Variants in PECAM1 observed in about 807,000 individuals in gnomAD.
PECAM1 encodes platelet and endothelial cell adhesion molecule 1, also known as platelet endothelial cell adhesion molecule.
A neutral mutation model predicts 13.8 loss-of-function variants in PECAM1; 8 were observed. The ratio of observed to expected loss-of-function variants is 0.58; its 90% CI spans 0.34 to 1.05. The LOEUF is 1.05. Among genes scored for constraint, PECAM1 ranks in the 50% least tolerant of loss-of-function variants. The probability of loss-of-function intolerance (pLI) is 0.03; values close to 1 mark genes in which losing one functional copy is unlikely to be tolerated. For synonymous variants in PECAM1, 136 were observed against 52.6 expected (o/e 2.58, Z -6.86); for missense variants, 304 against 141.2 (o/e 2.15, Z -5.84).
rs967395665 is a variant in PECAM1 at position 64,339,722 on chromosome 17, A to G, written c.2164+1912T>C. On this transcript the variant is annotated intron_variant, in intron 14 of 15. Coordinates refer to ENST00000563924, the MANE Select transcript of PECAM1 (RefSeq NM_000442.5). The stretch of plus-strand genomic sequence containing the variant: ...CCAGAGAATTGGTTTTTCAAAAATT[A>G]TTCAGGGTCAAGTTCCACAAGGGTT... Among the ~76,000 whole-genome samples the G allele has an allele frequency of 1.2e-3, 186 of 152,326 alleles. 2 individuals are homozygous for G. Among genetic ancestry groups the G allele is most frequent in the African/African-American group, 4.2e-3 (176 of 41,566 alleles).
chr17:64,320,122 T>C lies in PECAM1; in HGVS notation c.*3694A>G, dbSNP rs1026437441. 6.6e-6 allele frequency: 1 copy of C among 152,242 alleles called. No individual in the cohort carries two copies. The highest frequency in any genetic ancestry group is 1.5e-5 in the Non-Finnish European group (1 of 68,050). The allele number at this position is 152,242 out of a possible 1,614,324, so 9.4% of individuals were successfully genotyped here. ...TACCTTTCCATTTGCCCTTGCGGTGTTAGGCAAAGGCTGAAGCTGGCCTCT... is the reference window on the plus strand; with the variant it reads ...TACCTTTCCATTTGCCCTTGCGGTGCTAGGCAAAGGCTGAAGCTGGCCTCT... On this transcript the variant is annotated 3_prime_UTR_variant, in exon 16 of 16. Coordinates refer to ENST00000563924, the MANE Select transcript of PECAM1 (RefSeq NM_000442.5).
chr17:64,354,974 A>G lies in PECAM1; in HGVS notation c.1847T>C (p.Leu616Ser). The change falls in exon 9 of 16, where the codon TTG becomes TCG. Residue 616 changes from leucine (L) to serine (S), a missense_variant. By Grantham distance (145) the Leu-to-Ser change is moderately radical (BLOSUM62 -2). Transcript: ENST00000563924. ...AAAATAACATTTGGCCGCAATGATC[A>G]AGAGAGCAATGATCACTCCGATGAT... ...VVIIGVIIAL[L>S]IIAAKCYFLR... is the part of the protein sequence containing the mutation. 1 of 475,424 alleles carries G rather than the reference A, an allele frequency of 2.1e-6. No homozygotes were observed. Among genetic ancestry groups the G allele is most frequent in the Non-Finnish European group, 3.9e-6 (1 of 259,060 alleles). 29.5% of individuals were successfully genotyped at this position (475,424 alleles called of 1,614,324 possible). A position where few individuals can be genotyped will look rare whatever the true frequency, so the allele number is the denominator to read the frequency against.
chr17:64,379,878 AG>A (rs1247558455), intron 2 of PECAM1, among the ~76,000 whole-genome samples: 1 of 151,908 alleles, frequency 6.6e-6, no homozygotes, highest in African/African-American at 2.4e-5. Context: ...CAAAAGAATC[AG>A]CTGGGCATGA....
chr17:64,342,636 G>C (rs1330813958), intron 13 of PECAM1, among the ~76,000 whole-genome samples: 1 of 151,926 alleles, frequency 6.6e-6, no homozygotes, highest in Admixed American at 6.6e-5. Flanking sequence ...TCTCCTCAGG[G>C]GCCCTAATAT....
chr17:64,346,141 G>T (rs1318365994), intron 13 of PECAM1, among the ~76,000 whole-genome samples: 9 of 152,284 alleles, frequency 5.9e-5, no homozygotes, highest in African/African-American at 2.2e-4. Context: ...TGCAGCCTGG[G>T]GTTAGCCTCA....
chr17:64,382,127 A>G (rs2143896156), intron 2 of PECAM1, among the ~76,000 whole-genome samples: 1 of 152,282 alleles, frequency 6.6e-6, no homozygotes, highest in Non-Finnish European at 1.5e-5. Flanking sequence ...CCTTTGGACC[A>G]TATTAATTTC....
chr17:64,339,894 A>G (rs1324392007), intron 14 of PECAM1, among the ~76,000 whole-genome samples: 1 of 152,198 alleles, frequency 6.6e-6, no homozygotes, highest in Non-Finnish European at 1.5e-5. Context: ...TCACGCTTGT[A>G]ATCCCAGCAC....
chr17:64,329,426 T>TA (rs1239185038), intron 15 of PECAM1, among the ~76,000 whole-genome samples: 1 of 152,178 alleles, frequency 6.6e-6, no homozygotes, highest in Admixed American at 6.5e-5. Context: ...ACTTTGGCGT[T>TA]AAACGAAATG....
At chr17:64,355,249 C>T (rs2035820262) in intron 8 of PECAM1, among the ~76,000 whole-genome samples, 1 of 152,150 alleles carries the variant, frequency 6.6e-6, no homozygotes, top group Non-Finnish European at 1.5e-5. Flanking sequence ...TAGAGGTCAG[C>T]TGTGGTCCTC....
intron 14 of PECAM1, among the ~76,000 whole-genome samples, chr17:64,338,262 T>C (rs1380110707): frequency 1.2e-5 from 1 of 83,670 alleles, no homozygotes; most frequent in African/African-American, 4.2e-5. Flanking sequence ...TTTTTTTTTT[T>C]AGAGATGGGG....
At chr17:64,337,688 G>A (rs1241932360) in intron 14 of PECAM1, among the ~76,000 whole-genome samples, 1 of 152,016 alleles carries the variant, frequency 6.6e-6, no homozygotes, top group Non-Finnish European at 1.5e-5. Context: ...TTCTGCCTGA[G>A]GGGTCAGGTT....
intron 14 of PECAM1, among the ~76,000 whole-genome samples, chr17:64,339,478 C>T (rs2035370796): frequency 6.6e-6 from 1 of 152,038 alleles, no homozygotes; most frequent in Non-Finnish European, 1.5e-5. Flanking sequence ...GTGAACTCTT[C>T]AGCAGTGTCC....
Position 64,375,259 on chromosome 17 carries a change from T to C in PECAM1, c.483A>G (p.Ile161Met). Residue 161 changes from isoleucine (I) to methionine (M), a missense_variant, in exon 4 of 16, where the codon ATA becomes ATG. Transcript: ENST00000563924. ...NCSVPEEKAPIHFTIEKLELN... is the reference protein window; with the variant it reads ...NCSVPEEKAPMHFTIEKLELN... The stretch of plus-strand genomic sequence containing the variant: ...GTTCAAGTTTTTCAATTGTGAAGTG[T>C]ATTGGGGCCTTTTCCTCTGGGACAG... 1 of 475,374 alleles carries C rather than the reference T, an allele frequency of 2.1e-6. No homozygotes were observed. The highest frequency in any genetic ancestry group is 3.9e-6 in the Non-Finnish European group (1 of 259,044). The allele number at this position is 475,374 out of a possible 1,614,324, so 29.4% of individuals were successfully genotyped here.
rs143461741 is a variant in PECAM1 at position 64,333,084 on chromosome 17, C to T, written c.2165-3362G>A. Among the ~76,000 whole-genome samples the T allele has an allele frequency of 4.2e-3, 638 of 152,246 alleles. 3 individuals are homozygous for T. The highest frequency in any genetic ancestry group is 0.015 in the African/African-American group (620 of 41,550). ...ATGAGAATCACTTGGACCCAGGAGGCGATTGTTGCAGTGAACCAAGATCGT... is the reference window on the plus strand; with the variant it reads ...ATGAGAATCACTTGGACCCAGGAGGTGATTGTTGCAGTGAACCAAGATCGT... On this transcript the variant is annotated intron_variant, in intron 14 of 15. Coordinates refer to ENST00000563924, the MANE Select transcript of PECAM1 (RefSeq NM_000442.5).
chr17:64,383,086 A>T (rs2036518041), intron 2 of PECAM1, among the ~76,000 whole-genome samples: 1 of 152,162 alleles, frequency 6.6e-6, no homozygotes, highest in Non-Finnish European at 1.5e-5. Context: ...TTTCAGGTTA[A>T]TTTAAAGCGA....
rs1402509325 is a variant in PECAM1 at position 64,375,143 on chromosome 17, C to T, written c.599G>A (p.Arg200His). The T allele has an allele frequency of 4.8e-5, 23 of 475,268 alleles. No individual in the cohort carries two copies. The highest frequency in any genetic ancestry group is 6.7e-5 in the South Asian group (1 of 14,888). 29.4% of individuals were successfully genotyped at this position (475,268 alleles called of 1,614,324 possible). ...AGCTTGACATCGGAAGGATAAAACG[C>T]GGTCCTGTTCCTCAACGGGGAATTC... ...ILEFPVEEQD[R>H]VLSFRCQARI... is the part of the protein sequence containing the mutation. Residue 200 changes from arginine (R) to histidine (H), a missense_variant, in exon 4 of 16, where the codon CGC (arginine) becomes CAC (histidine). By Grantham distance (29) the Arg-to-His change is conservative (BLOSUM62 0). Coordinates refer to ENST00000563924, the MANE Select transcript of PECAM1 (RefSeq NM_000442.5).
intron 2 of PECAM1, among the ~76,000 whole-genome samples, chr17:64,384,398 C>G (rs8066701): frequency 1.5e-4 from 23 of 152,224 alleles, no homozygotes; most frequent in Non-Finnish European, 2.2e-4. Flanking sequence ...GATGCCCCCC[C>G]CAATGGTCCT....
At chr17:64,348,017 C>T (rs914265697) in intron 13 of PECAM1, among the ~76,000 whole-genome samples, 1 of 152,108 alleles carries the variant, frequency 6.6e-6, no homozygotes, top group Non-Finnish European at 1.5e-5. Flanking sequence ...AGGTGTGAGC[C>T]ACAGTGCCTG....
chr17:64,385,329 T>C (rs1156722980), intron 2 of PECAM1, among the ~76,000 whole-genome samples: 2 of 152,140 alleles, frequency 1.3e-5, no homozygotes, highest in Non-Finnish European at 2.9e-5. Flanking sequence ...CAGTGGATGG[T>C]GGTGCTCCCT....
Sources: gnomAD v4.1 joint callset for allele counts (sites outside exome capture counted in the v4.1 genomes callset) on GRCh38, gnomAD v4.1.1 for gene constraint, MANE v1.5 for transcripts, NCBI Gene and HGNC (gene_info 2026-07-23, HGNC 2026-07-21) for gene names.